The following BTBD10 variants were observed in gnomAD, a reference collection of about 807,000 sequenced individuals.
The protein encoded by BTBD10 is BTB/POZ domain-containing protein 10.
BTBD10 carries 21 observed loss-of-function variants against 53.2 expected under a neutral mutation model. That is an observed-to-expected ratio of 0.39 (90% CI 0.28 to 0.57). The LOEUF (loss-of-function observed/expected upper bound fraction) is 0.57. BTBD10 is among the 20% of genes least tolerant of loss of function. The pLI is 0.53. For synonymous variants in BTBD10, 149 were observed against 192.7 expected (o/e 0.77, Z 1.88); for missense variants, 360 against 594.7 (o/e 0.61, Z 4.10).
intron 2 of BTBD10, among the ~76,000 whole-genome samples, chr11:13,432,043 T>C (rs1383326298): frequency 2.0e-5 from 3 of 152,062 alleles, no homozygotes; most frequent in South Asian, 2.1e-4. Context: ...AAAAAAACTA[T>C]TGATATCTGC....
At chr11:13,397,601 T>C (rs1349669779) in intron 8 of BTBD10, among the ~76,000 whole-genome samples, 1 of 152,226 alleles carries the variant, frequency 6.6e-6, no homozygotes, top group Non-Finnish European at 1.5e-5. Flanking sequence ...ATGTGTTTGC[T>C]CTTGCTTCTC....
In BTBD10 at chr11:13,433,730, G is replaced by C. The variant is rs182508916; in HGVS notation, c.101+11294C>G. On this transcript the variant is annotated intron_variant, in intron 2 of 8. Transcript: ENST00000278174. ...GTTTTCATGCTACAATGACAAAGTT[G>C]AGTGGTTAGGACAGAGACTGTGGCC... 1.9e-3 allele frequency among the ~76,000 whole-genome samples: 289 copies of C among 152,268 alleles called. 1 individual carries two copies. The highest frequency in any genetic ancestry group is 6.6e-3 in the African/African-American group (274 of 41,552).
At chr11:13,424,830 C>T (rs933009925) in intron 2 of BTBD10, among the ~76,000 whole-genome samples, 3 of 152,086 alleles carry the variant, frequency 2.0e-5, no homozygotes, top group Admixed American at 6.6e-5. Context: ...AAATGGAAAG[C>T]GAATGAGATA....
At chr11:13,440,413 A>C in intron 2 of BTBD10, 1 of 612,978 alleles carries the variant, frequency 1.6e-6, no homozygotes, top group Non-Finnish European at 2.1e-6. Flanking sequence ...CTGTAAAGCT[A>C]ATTCTAGCTC....
At chr11:13,455,999 T>G (rs1403347522) in intron 1 of BTBD10, among the ~76,000 whole-genome samples, 1 of 152,176 alleles carries the variant, frequency 6.6e-6, no homozygotes, top group Non-Finnish European at 1.5e-5. Flanking sequence ...GACTTTCCAT[T>G]ATCACAACAG....
chr11:13,435,833 C>T (rs1291383349), intron 2 of BTBD10, among the ~76,000 whole-genome samples: 1 of 152,206 alleles, frequency 6.6e-6, no homozygotes, highest in African/African-American at 2.4e-5. Flanking sequence ...ATCCCACAAT[C>T]ACTCCTTCCA....
In BTBD10 at chr11:13,403,228, C is replaced by G; in HGVS notation, c.1057G>C (p.Asp353His). 6.4e-7 allele frequency: 1 copy of G among 1,555,532 alleles called. No homozygotes were observed. Among genetic ancestry groups the G allele is most frequent in the Non-Finnish European group, 8.7e-7 (1 of 1,155,896 alleles). ...TCCTTCAAAACTGACTTGGCCACATCTCTGTTTTCAATATACTTGAAAAAT... is the reference window on the plus strand; with the variant it reads ...TCCTTCAAAACTGACTTGGCCACATGTCTGTTTTCAATATACTTGAAAAAT... The part of the protein sequence containing the change: ...YRFFKYIENR[D>H]VAKSVLKERG... Residue 353 changes from aspartate (D) to histidine (H), a missense_variant, in exon 8 of 9, where the codon GAT becomes CAT. By Grantham distance (81) the Asp-to-His change is moderately conservative (BLOSUM62 -1). Coordinates refer to ENST00000278174, the MANE Select transcript of BTBD10 (RefSeq NM_032320.7).
intron 8 of BTBD10, among the ~76,000 whole-genome samples, chr11:13,397,595 G>A (rs1308271656): frequency 2.0e-5 from 3 of 152,110 alleles, no homozygotes; most frequent in Admixed American, 2.0e-4. Context: ...TTTTGAATGT[G>A]TTTGCTCTTG....
At chr11:13,394,628 G>C (rs1052608740) in intron 8 of BTBD10, among the ~76,000 whole-genome samples, 1 of 152,106 alleles carries the variant, frequency 6.6e-6, no homozygotes, top group African/African-American at 2.4e-5. Flanking sequence ...CATGTGCCAT[G>C]TTGGTGTGCT....
chr11:13,402,874 C>G (rs1345391732), intron 8 of BTBD10, among the ~76,000 whole-genome samples: 1 of 152,318 alleles, frequency 6.6e-6, no homozygotes, highest in African/African-American at 2.4e-5. Context: ...TTCATGTCCA[C>G]ACACACCACA....
chr11:13,440,103 C>T, intron 2 of BTBD10: 1 of 1,517,266 alleles, frequency 6.6e-7, no homozygotes, highest in Non-Finnish European at 8.8e-7. Context: ...CCTCACCTGT[C>T]CATAGACTTC....
At chr11:13,425,489 G>T (rs1040033931) in intron 2 of BTBD10, among the ~76,000 whole-genome samples, 1 of 152,014 alleles carries the variant, frequency 6.6e-6, no homozygotes, top group Non-Finnish European at 1.5e-5. Flanking sequence ...AACATCAAGT[G>T]AAATAAAACG....
intron 8 of BTBD10, among the ~76,000 whole-genome samples, chr11:13,400,107 A>ATT (rs1389698092): frequency 6.6e-6 from 1 of 152,204 alleles, no homozygotes; most frequent in Non-Finnish European, 1.5e-5. Flanking sequence ...TGCAGAGGTT[A>ATT]TTGCTGTCTT....
chr11:13,433,235 T>G (rs1024787096), intron 2 of BTBD10, among the ~76,000 whole-genome samples: 1 of 152,184 alleles, frequency 6.6e-6, no homozygotes, highest in South Asian at 2.1e-4. Flanking sequence ...TACATTCTAC[T>G]CTTCCCCTGC....
At chr11:13,428,649 AC>A (rs1166559489) in intron 2 of BTBD10, among the ~76,000 whole-genome samples, 5 of 152,168 alleles carry the variant, frequency 3.3e-5, no homozygotes, top group African/African-American at 4.8e-5. Flanking sequence ...CAAAATTTTA[AC>A]ACATCAAATC....
chr11:13,446,557 A>C (rs184682375), intron 1 of BTBD10, among the ~76,000 whole-genome samples: 4 of 152,328 alleles, frequency 2.6e-5, no homozygotes, highest in African/African-American at 9.6e-5. Flanking sequence ...AGTGAAATAA[A>C]AATAAAAGTG....
chr11:13,392,941 T>C (rs1023065665), intron 8 of BTBD10, among the ~76,000 whole-genome samples: 2 of 152,180 alleles, frequency 1.3e-5, no homozygotes, highest in Non-Finnish European at 1.5e-5. Context: ...CCACATCCAA[T>C]ATGGTCTGCT....
intron 2 of BTBD10, among the ~76,000 whole-genome samples, chr11:13,427,274 A>T (rs1462049807): frequency 1.3e-5 from 2 of 152,198 alleles, no homozygotes; most frequent in Non-Finnish European, 2.9e-5. Flanking sequence ...GTACAAAGAG[A>T]TTCAATATAA....
chr11:13,408,127 TGA>T lies in BTBD10; in HGVS notation c.809-2273_809-2272del, dbSNP rs1431927647. On this transcript the variant is annotated intron_variant, in intron 6 of 8. Coordinates refer to ENST00000278174, the MANE Select transcript of BTBD10 (RefSeq NM_032320.7). ...ATAAATTCCTGACCCACAGAATAAA[TGA>T]GAGTAATAAAATGGTTATAGTTTAT... Among the ~76,000 whole-genome samples the T allele has an allele frequency of 5.3e-5, 8 of 152,266 alleles. No individual in the cohort carries two copies. In the East Asian group the frequency reaches 1.4e-3, roughly 26 times the overall value.
Sources: gnomAD v4.1 joint callset for allele counts (sites outside exome capture counted in the v4.1 genomes callset) on GRCh38, gnomAD v4.1.1 for gene constraint, MANE v1.5 for transcripts, NCBI Gene and HGNC (gene_info 2026-07-23, HGNC 2026-07-21) for gene names.